The following FAM222A variants were observed in gnomAD, a reference collection of about 807,000 sequenced individuals.
FAM222A encodes the protein protein FAM222A.
In FAM222A, 7 loss-of-function variants were observed where a neutral mutation model predicts 25.8. The observed-to-expected ratio is 0.27, with a 90% confidence interval of 0.15 to 0.51. FAM222A has a LOEUF of 0.51. Ranked by LOEUF, FAM222A falls within the 20% of genes least tolerant of loss-of-function variation. The probability of loss-of-function intolerance (pLI) is 0.97; values close to 1 mark genes in which losing one functional copy is unlikely to be tolerated. For missense variants in FAM222A, 573 were observed against 640.5 expected, an observed-to-expected ratio of 0.89 and a Z score of 1.14; for synonymous variants, 294 against 298.8, an observed-to-expected ratio of 0.98 and a Z score of 0.17.
At chr12:109,760,393 C>T (rs987773771) in intron 2 of FAM222A, among the ~76,000 whole-genome samples, 3 of 151,832 alleles carry the variant, frequency 2.0e-5, no homozygotes, top group African/African-American at 4.8e-5. Flanking sequence ...AGAATGGGCC[C>T]GAGCCACAGT....
intron 1 of FAM222A, among the ~76,000 whole-genome samples, chr12:109,732,274 G>T (rs148403327): frequency 6.6e-4 from 101 of 152,362 alleles, no homozygotes; most frequent in African/African-American, 2.2e-3. Flanking sequence ...TCATCTTTTA[G>T]TATTTGGAAA....
Position 109,768,805 on chromosome 12 carries a change from G to A in FAM222A, c.876G>A (p.Pro292=), listed in dbSNP as rs542798024. ...ATTACCTGCTGTGGCCGCAGAAACC[G>A]CCCCCACCGCCGCCCCAGCCACTGC... ...GLDYLLWPQK[P]PPPPPQPLRA... is the part of the protein sequence containing the mutation. Residue 292 remains proline (P), a synonymous_variant, in exon 3 of 3, where the codon CCG becomes CCA. Coordinates refer to ENST00000538780, the MANE Select transcript of FAM222A (RefSeq NM_032829.3). 6.2e-4 allele frequency: 967 copies of A among 1,571,676 alleles called. 10 individuals carry two copies. In the Admixed American group the frequency reaches 0.011, roughly 18 times the overall value.
intron 1 of FAM222A, among the ~76,000 whole-genome samples, chr12:109,742,803 G>A (rs1313218561): frequency 2.6e-5 from 4 of 151,978 alleles, no homozygotes; most frequent in Admixed American, 6.6e-5. Context: ...AACCGTCTCC[G>A]GGAAATACAA....
At chr12:109,765,236 A>G (rs1454167309) in intron 2 of FAM222A, among the ~76,000 whole-genome samples, 2 of 152,204 alleles carry the variant, frequency 1.3e-5, no homozygotes. Context: ...TTTCTGTGGC[A>G]GAGCTGTCCT....
At position 109,714,922 on chromosome 12, in the gene FAM222A, G is replaced by A. The variant is rs562815931; in HGVS notation, c.-47+25G>A. Reference sequence around the variant, plus strand: ...GGTGAGTTGTGCGGGGCGGGGTTCTGCGCTGGAGCTGGGGGCACCCCCTGG... The same window carrying A: ...GGTGAGTTGTGCGGGGCGGGGTTCTACGCTGGAGCTGGGGGCACCCCCTGG... On this transcript the variant is annotated intron_variant, in intron 1 of 2. Coordinates refer to ENST00000538780, the MANE Select transcript of FAM222A (RefSeq NM_032829.3). This position sits in a 1 kb window ranked among gnomAD's most constrained non-coding sequence, Gnocchi z 4.2. 2 of 153,120 alleles carry A rather than the reference G, an allele frequency of 1.3e-5. No individual in the cohort carries two copies. The highest frequency in any genetic ancestry group is 4.8e-5 in the African/African-American group (2 of 41,618). The allele number at this position is 153,120 out of a possible 1,614,324, so 9.5% of individuals were successfully genotyped here. A position where few individuals can be genotyped will look rare whatever the true frequency, so the allele number is the denominator to read the frequency against.
intron 1 of FAM222A, among the ~76,000 whole-genome samples, chr12:109,730,066 C>CCTCA (rs1001319278): frequency 6.6e-6 from 1 of 152,194 alleles, no homozygotes; most frequent in African/African-American, 2.4e-5. Flanking sequence ...TGTGCCAAGG[C>CCTCA]CTCAGTCTGC....
At chr12:109,763,471 T>C (rs1187448820) in intron 2 of FAM222A, among the ~76,000 whole-genome samples, 1 of 152,244 alleles carries the variant, frequency 6.6e-6, no homozygotes, top group East Asian at 1.9e-4. Flanking sequence ...TGGCCAGGGC[T>C]GCACTCTCAT....
chr12:109,727,663 T>A (rs1389648091), intron 1 of FAM222A, among the ~76,000 whole-genome samples: 4 of 152,088 alleles, frequency 2.6e-5, no homozygotes, highest in African/African-American at 9.7e-5. Context: ...CACGTGGTCA[T>A]GGGGTGGGGA....
At chr12:109,729,802 A>G (rs1214349710) in intron 1 of FAM222A, among the ~76,000 whole-genome samples, 1 of 152,192 alleles carries the variant, frequency 6.6e-6, no homozygotes, top group African/African-American at 2.4e-5. Context: ...TCCCTCCACC[A>G]GCTTTCAGTT....
rs1272853073 is a variant in FAM222A at position 109,764,271 on chromosome 12, C to T, written c.83-3741C>T. Among the ~76,000 whole-genome samples, 3 of 145,806 alleles carry T rather than the reference C, an allele frequency of 2.1e-5. No homozygotes were observed. In the East Asian group the frequency reaches 6.0e-4, roughly 29 times the overall value. On this transcript the variant is annotated intron_variant, in intron 2 of 2. Transcript: ENST00000538780. The stretch of plus-strand genomic sequence containing the variant: ...CCTGGAGCCTAGCACATACTAGACG[C>T]TCACCAAAATGAGCTTCTGTATTAT...
chr12:109,734,037 A>T (rs959618597), intron 1 of FAM222A: 1 of 152,292 alleles, frequency 6.6e-6, no homozygotes, highest in Non-Finnish European at 1.5e-5. Context: ...ACATAGCAAG[A>T]TCCCACATCT....
intron 1 of FAM222A, among the ~76,000 whole-genome samples, chr12:109,737,857 C>T (rs1813600301): frequency 6.6e-6 from 1 of 152,150 alleles, no homozygotes; most frequent in African/African-American, 2.4e-5. Context: ...TAATTATTAA[C>T]AGGGTCCCTT....
chr12:109,742,797 G>T (rs747326809), intron 1 of FAM222A, among the ~76,000 whole-genome samples: 1 of 152,040 alleles, frequency 6.6e-6, no homozygotes, highest in Non-Finnish European at 1.5e-5. Flanking sequence ...GGCTGCAACC[G>T]TCTCCGGGAA....
intron 1 of FAM222A, among the ~76,000 whole-genome samples, chr12:109,729,432 T>C (rs902918242): frequency 6.6e-6 from 1 of 152,148 alleles, no homozygotes. Flanking sequence ...GGCATCTCCC[T>C]GAGCCCCTCA....
intron 2 of FAM222A, among the ~76,000 whole-genome samples, chr12:109,765,686 C>T (rs972540606): frequency 4.6e-5 from 7 of 152,180 alleles, no homozygotes; most frequent in Admixed American, 2.0e-4. Context: ...TGTGAGCCCA[C>T]GAGGTGTCAG....
At chr12:109,731,490 A>T (rs1485708736) in intron 1 of FAM222A, among the ~76,000 whole-genome samples, 1 of 152,164 alleles carries the variant, frequency 6.6e-6, no homozygotes, top group Non-Finnish European at 1.5e-5. Flanking sequence ...GGAGGCGTGG[A>T]TGTATTCACA....
chr12:109,724,565 C>A (rs1199352348), intron 1 of FAM222A, among the ~76,000 whole-genome samples: 1 of 152,182 alleles, frequency 6.6e-6, no homozygotes, highest in Non-Finnish European at 1.5e-5. Flanking sequence ...ATGAGGCTTC[C>A]CCCGGGGCCT....
At chr12:109,750,034 G>C (rs1317834734) in intron 2 of FAM222A, among the ~76,000 whole-genome samples, 1 of 152,034 alleles carries the variant, frequency 6.6e-6, no homozygotes, top group Non-Finnish European at 1.5e-5. Flanking sequence ...GGAGAGTTTA[G>C]CCCATTTACA....
At chr12:109,757,295 G>A (rs10774883) in intron 2 of FAM222A, among the ~76,000 whole-genome samples, 23,452 of 152,224 alleles carry the variant, frequency 0.15, 2,013 homozygotes, top group East Asian at 0.32. Context: ...ATTGATAAAA[G>A]CAAAGGGACC....
Sources: allele counts gnomAD v4.1 joint callset (sites outside exome capture counted in the v4.1 genomes callset), GRCh38; gene constraint gnomAD v4.1.1; non-coding constraint Gnocchi (gnomAD v3.1); transcripts MANE v1.5; gene names NCBI Gene and HGNC (gene_info 2026-07-23, HGNC 2026-07-21).